ELF1: variants seen among roughly 807,000 people sequenced by gnomAD.
The protein encoded by ELF1 is E74 like ETS transcription factor 1.
ELF1 carries 24 observed loss-of-function variants against 59.9 expected under a neutral mutation model. The observed-to-expected ratio is 0.40, with a 90% confidence interval of 0.29 to 0.56. The LOEUF is 0.56. ELF1 is among the 20% of genes least tolerant of loss of function. The probability of loss-of-function intolerance (pLI) is 0.44; values close to 1 mark genes in which losing one functional copy is unlikely to be tolerated. For missense variants in ELF1, 627 were observed against 742.2 expected (o/e 0.84, Z 1.80); for synonymous variants, 248 against 266.2 (o/e 0.93, Z 0.67).
intron 2 of ELF1, among the ~76,000 whole-genome samples, chr13:40,971,183 T>C (rs1566176055): frequency 6.6e-6 from 1 of 152,196 alleles, no homozygotes; most frequent in Admixed American, 6.5e-5. Context: ...GGATAAAAAA[T>C]GTATATTATA....
At chr13:41,005,242 C>T (rs1295217130) in intron 1 of ELF1, among the ~76,000 whole-genome samples, 1 of 151,926 alleles carries the variant, frequency 6.6e-6, no homozygotes, top group Non-Finnish European at 1.5e-5. Context: ...TCAATATGCA[C>T]GCAAAGACTC....
At chr13:40,943,208 C>T (rs1034977475) in intron 6 of ELF1, 64 bp from the exon 7 acceptor site, 16 of 1,371,596 alleles carry the variant, frequency 1.2e-5, no homozygotes, top group Admixed American at 2.5e-5. Context: ...TCAAAAAAGA[C>T]AACTAAAAGT....
chr13:41,031,513 G>T (rs1702671017), intron 1 of ELF1, among the ~76,000 whole-genome samples: 1 of 152,018 alleles, frequency 6.6e-6, no homozygotes, highest in African/African-American at 2.4e-5. Flanking sequence ...ATCAAACTGA[G>T]GCTACACTTA....
At chr13:41,032,086 A>C (rs2138408586) in intron 1 of ELF1, among the ~76,000 whole-genome samples, 1 of 152,190 alleles carries the variant, frequency 6.6e-6, no homozygotes. Context: ...AATACACCAA[A>C]ATTTCAGTTC....
intron 1 of ELF1, among the ~76,000 whole-genome samples, chr13:40,999,867 G>A (rs1874325388): frequency 6.6e-6 from 1 of 152,142 alleles, no homozygotes; most frequent in African/African-American, 2.4e-5. Context: ...AATTGGAAGA[G>A]GGGAGAAATA....
At chr13:41,061,021 G>A (rs1877584629) in exon 1 of ELF1, 1 of 216,416 alleles carries the variant, frequency 4.6e-6, no homozygotes. Flanking sequence ...GGAGAGGAGG[G>A]GCGGGGCCGC....
intron 1 of ELF1, among the ~76,000 whole-genome samples, chr13:41,045,737 T>G (rs2138426836): frequency 6.6e-6 from 1 of 152,348 alleles, no homozygotes; most frequent in Non-Finnish European, 1.5e-5. Flanking sequence ...GATATGGTGC[T>G]GAGAAGAATG....
At chr13:40,975,871 T>A (rs967321923) in intron 2 of ELF1, among the ~76,000 whole-genome samples, 3 of 152,182 alleles carry the variant, frequency 2.0e-5, no homozygotes, top group East Asian at 1.9e-4. Flanking sequence ...AAAAAATCTT[T>A]AAGAGGACTC....
intron 1 of ELF1, among the ~76,000 whole-genome samples, chr13:41,039,278 T>C (rs1186667554): frequency 8.2e-6 from 1 of 121,422 alleles, no homozygotes; most frequent in Non-Finnish European, 1.7e-5. Flanking sequence ...AAAATTACCA[T>C]AACCAAAGCT....
intron 1 of ELF1, among the ~76,000 whole-genome samples, chr13:41,056,788 T>C (rs1331069459): frequency 1.3e-5 from 2 of 152,026 alleles, no homozygotes; most frequent in African/African-American, 4.8e-5. Flanking sequence ...AACCAGAAAG[T>C]AACCAAGGAA....
chr13:41,036,949 T>C (rs181666148), intron 1 of ELF1, among the ~76,000 whole-genome samples: 2,661 of 147,576 alleles, frequency 0.018, 95 homozygotes, highest in African/African-American at 0.063. Context: ...CACTGGGGCC[T>C]GTTGTGGGGT....
At chr13:40,965,420 G>A (rs1441869590) in intron 2 of ELF1, among the ~76,000 whole-genome samples, 1 of 152,066 alleles carries the variant, frequency 6.6e-6, no homozygotes, top group East Asian at 1.9e-4. Flanking sequence ...TCAGGAGTTC[G>A]AGACCAGCCT....
intron 4 of ELF1, 42 bp from the exon 5 acceptor site, chr13:40,950,015 T>C: frequency 6.7e-7 from 1 of 1,483,958 alleles, no homozygotes; most frequent in Non-Finnish European, 9.0e-7. Flanking sequence ...CACTGTGTAT[T>C]ATAAGTTAAA....
intron 2 of ELF1, among the ~76,000 whole-genome samples, chr13:40,978,848 T>C (rs1366425017): frequency 6.6e-6 from 1 of 151,342 alleles, no homozygotes; most frequent in Non-Finnish European, 1.5e-5. Flanking sequence ...CTATTAGTAG[T>C]AGTAGAAATT....
At chr13:41,026,122 C>T (rs1875891310) in intron 1 of ELF1, among the ~76,000 whole-genome samples, 2 of 152,102 alleles carry the variant, frequency 1.3e-5, no homozygotes, top group Admixed American at 6.5e-5. Context: ...CAACGAGTAG[C>T]AACTACTCTA....
At chr13:41,060,983 C>T (rs1877580423) in exon 1 of ELF1, 2 of 291,016 alleles carry the variant, frequency 6.9e-6, no homozygotes, top group Admixed American at 9.8e-5. Flanking sequence ...AGGGAACAAG[C>T]CCCATCCGAG....
At chr13:41,001,822 T>C (rs936886632) in intron 1 of ELF1, among the ~76,000 whole-genome samples, 12 of 151,740 alleles carry the variant, frequency 7.9e-5, no homozygotes, top group African/African-American at 2.9e-4. Flanking sequence ...ATCACAACTA[T>C]AGACAGCCAC....
At chr13:41,043,446 T>G (rs1316476808) in intron 1 of ELF1, among the ~76,000 whole-genome samples, 1 of 152,224 alleles carries the variant, frequency 6.6e-6, no homozygotes, top group Non-Finnish European at 1.5e-5. Flanking sequence ...AGGTCTAACA[T>G]TTAAGTCTTT....
intron 1 of ELF1, among the ~76,000 whole-genome samples, chr13:41,013,401 T>C (rs1875189366): frequency 6.6e-6 from 1 of 152,160 alleles, no homozygotes; most frequent in South Asian, 2.1e-4. Flanking sequence ...AACAATGGAA[T>C]ACTATATTGC....
Sources: gnomAD v4.1 joint callset for allele counts (sites outside exome capture counted in the v4.1 genomes callset) on GRCh38, gnomAD v4.1.1 for gene constraint, MANE v1.5 for transcripts, NCBI Gene and HGNC (gene_info 2026-07-23, HGNC 2026-07-21) for gene names.